Variants in KSR2 observed in about 807,000 individuals in gnomAD.
KSR2 encodes the protein kinase suppressor of ras 2.
Under a neutral mutation model 107.8 loss-of-function variants are expected in KSR2, and 25 were observed. The observed-to-expected ratio is 0.23, with a 90% CI of 0.17 to 0.32. KSR2 has a LOEUF of 0.32. KSR2 is among the 10% of genes least tolerant of loss of function. The probability of loss-of-function intolerance (pLI) is 1.00; values close to 1 mark genes in which losing one functional copy is unlikely to be tolerated. For missense variants in KSR2, 887 were observed against 1,268.9 expected (o/e 0.70, Z 4.57); for synonymous variants, 480 against 507.0 (o/e 0.95, Z 0.71).
chr12:117,585,941 G>T (rs1400711711), intron 5 of KSR2, among the ~76,000 whole-genome samples: 1 of 152,220 alleles, frequency 6.6e-6, no homozygotes, highest in African/African-American at 2.4e-5. Context: ...AAGGAGGGAG[G>T]ATTCTTCTCC....
chr12:117,880,749 C>A (rs1464972218), intron 1 of KSR2, among the ~76,000 whole-genome samples: 2 of 146,472 alleles, frequency 1.4e-5, no homozygotes, highest in African/African-American at 5.0e-5. Context: ...AGACGTGAAA[C>A]CTCCGCCTCC....
At chr12:117,957,460 G>A (rs1303698066) in intron 1 of KSR2, among the ~76,000 whole-genome samples, 1 of 151,804 alleles carries the variant, frequency 6.6e-6, no homozygotes, top group Non-Finnish European at 1.5e-5. Context: ...TGGCCACCAT[G>A]TGTCTCCTGT....
intron 8 of KSR2, among the ~76,000 whole-genome samples, chr12:117,555,724 T>C (rs1292897118): frequency 6.6e-6 from 1 of 152,240 alleles, no homozygotes; most frequent in African/African-American, 2.4e-5. Flanking sequence ...CTAAGCAGCC[T>C]GCCGCACATT....
intron 1 of KSR2, among the ~76,000 whole-genome samples, chr12:117,937,388 G>C (rs1895878888): frequency 6.6e-6 from 1 of 151,872 alleles, no homozygotes; most frequent in Non-Finnish European, 1.5e-5. Flanking sequence ...TCAAGATCTT[G>C]CCCATCTATT....
At chr12:117,633,656 T>A (rs1291241345) in intron 5 of KSR2, among the ~76,000 whole-genome samples, 1 of 152,216 alleles carries the variant, frequency 6.6e-6, no homozygotes. Flanking sequence ...TGTCCTCACA[T>A]GGTCTCCTTC....
chr12:117,559,141 G>C (rs183865884), intron 7 of KSR2, among the ~76,000 whole-genome samples: 1 of 152,100 alleles, frequency 6.6e-6, no homozygotes, highest in African/African-American at 2.4e-5. Flanking sequence ...GGTCTGGAAA[G>C]CTCTGGGTGC....
chr12:117,740,404 CT>C (rs1888139027), intron 4 of KSR2, among the ~76,000 whole-genome samples: 1 of 86,064 alleles, frequency 1.2e-5, no homozygotes, highest in Non-Finnish European at 2.9e-5. Context: ...AATATATGTA[CT>C]ATATACATAT....
At chr12:117,894,162 G>A (rs1389256613) in intron 1 of KSR2, among the ~76,000 whole-genome samples, 1 of 152,112 alleles carries the variant, frequency 6.6e-6, no homozygotes, top group Non-Finnish European at 1.5e-5. Flanking sequence ...ACCCGCCTCG[G>A]CCTCCCAAAG....
chr12:117,578,109 T>C (rs1310959912), intron 7 of KSR2, among the ~76,000 whole-genome samples: 1 of 152,088 alleles, frequency 6.6e-6, no homozygotes, highest in Non-Finnish European at 1.5e-5. Context: ...TACGGCCTTC[T>C]CATCAAAACT....
At chr12:117,803,657 C>T (rs1252652866) in intron 3 of KSR2, among the ~76,000 whole-genome samples, 2 of 152,014 alleles carry the variant, frequency 1.3e-5, no homozygotes, top group Admixed American at 1.3e-4. Context: ...GAGCCGAGAT[C>T]GCACCACTGC....
intron 4 of KSR2, among the ~76,000 whole-genome samples, chr12:117,739,418 G>A (rs674355): frequency 0.7 from 105,766 of 151,870 alleles, 37,290 homozygotes; most frequent in South Asian, 0.87. Flanking sequence ...GACAGCTACA[G>A]CAACACTAGG....
chr12:117,815,129 C>T (rs1469595789), intron 3 of KSR2, among the ~76,000 whole-genome samples: 1 of 152,176 alleles, frequency 6.6e-6, no homozygotes, highest in African/African-American at 2.4e-5. Context: ...TTGGCAAGAC[C>T]ATCCAAATGC....
intron 3 of KSR2, among the ~76,000 whole-genome samples, chr12:117,811,438 T>C (rs1256543818): frequency 6.6e-6 from 1 of 152,200 alleles, no homozygotes; most frequent in Non-Finnish European, 1.5e-5. Context: ...TTAATGCAGA[T>C]TCCCAGGCCC....
At chr12:117,955,208 A>G (rs1190774659) in intron 1 of KSR2, among the ~76,000 whole-genome samples, 1 of 151,846 alleles carries the variant, frequency 6.6e-6, no homozygotes, top group Non-Finnish European at 1.5e-5. Context: ...TGCAGCCTCA[A>G]TCTCCCTGGG....
chr12:117,869,969 A>C (rs2137280125), intron 1 of KSR2, among the ~76,000 whole-genome samples: 1 of 152,312 alleles, frequency 6.6e-6, no homozygotes, highest in East Asian at 1.9e-4. Flanking sequence ...TACAAACAGG[A>C]AGACTGAAAC....
At chr12:117,719,794 G>A (rs1887134948) in intron 4 of KSR2, among the ~76,000 whole-genome samples, 1 of 152,208 alleles carries the variant, frequency 6.6e-6, no homozygotes, top group African/African-American at 2.4e-5. Flanking sequence ...CAATTACAAA[G>A]AAGATGACCC....
intron 1 of KSR2, among the ~76,000 whole-genome samples, chr12:117,904,875 G>A (rs948711283): frequency 6.6e-6 from 1 of 152,146 alleles, no homozygotes; most frequent in African/African-American, 2.4e-5. Context: ...ATCAGCAATT[G>A]TTACTTATTT....
At chr12:117,628,936 C>T (rs1176545384) in intron 5 of KSR2, among the ~76,000 whole-genome samples, 1 of 152,268 alleles carries the variant, frequency 6.6e-6, no homozygotes, top group Non-Finnish European at 1.5e-5. Flanking sequence ...AGCCAGGCTG[C>T]TGTCTGGCAG....
chr12:117,853,173 C>T (rs1892984395), intron 3 of KSR2, among the ~76,000 whole-genome samples: 3 of 152,108 alleles, frequency 2.0e-5, no homozygotes, highest in Admixed American at 6.5e-5. Context: ...CCACGGGGGT[C>T]CCCAAAGATA....
Sources: gnomAD v4.1 joint callset for allele counts (sites outside exome capture counted in the v4.1 genomes callset) on GRCh38, gnomAD v4.1.1 for gene constraint, MANE v1.5 for transcripts, NCBI Gene and HGNC (gene_info 2026-07-23, HGNC 2026-07-21) for gene names.